The following VSIG4 variants were observed in gnomAD, a reference collection of about 807,000 sequenced individuals.
VSIG4 encodes V-set and immunoglobulin domain containing 4, also known as V-set and immunoglobulin domain-containing protein 4.
Under a neutral mutation model 23.4 loss-of-function variants are expected in VSIG4, and 34 were observed. The observed-to-expected ratio is 1.45, with a 90% CI of 1.10 to 1.93. The LOEUF (loss-of-function observed/expected upper bound fraction) is 1.93, where lower values mean the gene tolerates loss of function less well. Ranked by LOEUF, VSIG4 falls within the 30% of genes most tolerant of loss-of-function variation. The pLI, the probability that VSIG4 is intolerant of heterozygous loss-of-function variation, is 0.00. For missense variants in VSIG4, 433 were observed against 310.8 expected (o/e 1.39, Z -2.96); for synonymous variants, 169 against 120.3 (o/e 1.41, Z -2.65).
Position 66,022,259 on chromosome X carries a change from A to AT in VSIG4, c.*3dup. 1 of 1,212,165 alleles carries AT rather than the reference A, an allele frequency of 8.2e-7. No homozygotes were observed. The highest frequency in any genetic ancestry group is 1.1e-6 in the Non-Finnish European group (1 of 895,571). ...TCAGCAGATCCTGGCCTAATGGGGC[A>AT]TTTTTAACAGACACTTTTGCCCTCA... On this transcript the variant is annotated 3_prime_UTR_variant, in exon 8 of 8. Transcript: ENST00000374737.
At chrX:66,026,625 G>A (rs906536076) in intron 5 of VSIG4, among the ~76,000 whole-genome samples, 3 of 111,953 alleles carry the variant, frequency 2.7e-5, no homozygotes, top group African/African-American at 9.7e-5. Context: ...CTGCAATCAG[G>A]AATGGAGAGT....
At chrX:66,026,288 G>A (rs1395432999) in intron 5 of VSIG4, among the ~76,000 whole-genome samples, 1 of 111,827 alleles carries the variant, frequency 8.9e-6, no homozygotes, top group Non-Finnish European at 1.9e-5. Flanking sequence ...CAGTATTTGT[G>A]GTCCTCAGAG....
chrX:66,034,636 G>T (rs1381658797), intron 1 of VSIG4, among the ~76,000 whole-genome samples: 2 of 110,514 alleles, frequency 1.8e-5, no homozygotes, highest in East Asian at 5.7e-4. Context: ...AGGGGGAAAA[G>T]ATTGCATCCA....
intron 1 of VSIG4, among the ~76,000 whole-genome samples, chrX:66,037,513 A>T (rs1469207952): frequency 4.5e-5 from 3 of 67,304 alleles, no homozygotes; most frequent in Admixed American, 2.7e-4. Context: ...ATTATATAAT[A>T]ATAATATAAT....
chrX:66,022,031 A>G lies in VSIG4; in HGVS notation c.*232T>C. 1.7e-6 allele frequency: 2 copies of G among 1,150,579 alleles called. No homozygotes were observed. Among genetic ancestry groups the G allele is most frequent in the South Asian group, 3.9e-5 (2 of 51,838 alleles). 94.8% of individuals were successfully genotyped at this position (1,150,579 alleles called of 1,213,427 possible). A position where few individuals can be genotyped will look rare whatever the true frequency, so the allele number is the denominator to read the frequency against. On this transcript the variant is annotated 3_prime_UTR_variant, in exon 8 of 8. Transcript: ENST00000374737. ...CCTCTGGTATTTAGAGAGGAGTACC[A>G]GAAGCCCCCGGCAGAGATACTAGAA...
chrX:66,024,612 T>G (rs2085368494), intron 6 of VSIG4, among the ~76,000 whole-genome samples: 1 of 112,088 alleles, frequency 8.9e-6, no homozygotes, highest in South Asian at 3.7e-4. Context: ...TACTCTCTTC[T>G]CCTCTGGATC....
intron 4 of VSIG4, 65 bp downstream of exon 4, chrX:66,027,985 C>T (rs901017123): frequency 2.8e-6 from 3 of 1,054,771 alleles, no homozygotes; most frequent in Non-Finnish European, 2.7e-6. Flanking sequence ...ATTGTGATTC[C>T]TTTCTTGGCT....
intron 6 of VSIG4, 58 bp from the exon 7 acceptor site, chrX:66,022,920 T>A: frequency 8.7e-7 from 1 of 1,146,598 alleles, no homozygotes; most frequent in Non-Finnish European, 1.2e-6. Flanking sequence ...CAAAGGTCAA[T>A]CATGGATCCT....
chrX:66,036,705 TA>T (rs1248761346), intron 1 of VSIG4, among the ~76,000 whole-genome samples: 4 of 54,901 alleles, frequency 7.3e-5, no homozygotes, highest in Non-Finnish European at 1.2e-4. Context: ...TAATATATTA[TA>T]ATTATATAAT....
In VSIG4 at chrX:66,036,977, T is replaced by C. The variant is rs1189789451; in HGVS notation, c.55+2967A>G. 1.1e-3 allele frequency among the ~76,000 whole-genome samples: 36 copies of C among 31,442 alleles called. 1 individual carries two copies. Among genetic ancestry groups the C allele is most frequent in the African/African-American group, 9.4e-3 (36 of 3,835 alleles). The allele number at this position is 31,442 out of a possible 115,157, so 27.3% of individuals were successfully genotyped here. A position where few individuals can be genotyped will look rare whatever the true frequency, so the allele number is the denominator to read the frequency against. On this transcript the variant is annotated intron_variant, in intron 1 of 7. Coordinates refer to ENST00000374737, the MANE Select transcript of VSIG4 (RefSeq NM_007268.3). ...ATATTATATTATATAATATATAATA[T>C]AATATATCATATAATATAATATATC...
Position 66,022,238 on chromosome X carries a change from C to A in VSIG4, c.*25G>T, listed in dbSNP as rs371448320. 75 of 1,211,985 alleles carry A rather than the reference C, an allele frequency of 6.2e-5. No individual in the cohort carries two copies. The highest frequency in any genetic ancestry group is 8.2e-5 in the Non-Finnish European group (73 of 895,510). The stretch of plus-strand genomic sequence containing the variant: ...AGGACTGACTAGGCAATTATGTCAG[C>A]AGATCCTGGCCTAATGGGGCATTTT... On this transcript the variant is annotated 3_prime_UTR_variant, in exon 8 of 8. Transcript: ENST00000374737.
chrX:66,027,993 G>T, intron 4 of VSIG4, 57 bp downstream of exon 4: 1 of 1,086,931 alleles, frequency 9.2e-7, no homozygotes, highest in South Asian at 1.9e-5. Context: ...TCCTTTCTTG[G>T]CTACGATGAC....
In VSIG4 at chrX:66,032,723, T is replaced by C. The variant is rs1291767154; in HGVS notation, c.439A>G (p.Thr147Ala). ...KLSVSKPTVT[T>A]GSGYGFTVPQ... ...ACCGTGAAGCCATAACCGCTGCCAG[T>C]TGTCACTGTGGGCTTGGAGACAGAG... The change falls in exon 3 of 8, where the codon ACT becomes GCT. Residue 147 changes from threonine to alanine, a missense_variant. Coordinates refer to ENST00000374737, the MANE Select transcript of VSIG4 (RefSeq NM_007268.3). 7 of 1,211,264 alleles carry C rather than the reference T, an allele frequency of 5.8e-6. No individual in the cohort carries two copies. The highest frequency in any genetic ancestry group is 1.7e-5 in the African/African-American group (1 of 57,729).
intron 1 of VSIG4, among the ~76,000 whole-genome samples, chrX:66,037,043 TATATC>T (rs1157381951): frequency 0.025 from 961 of 38,621 alleles, 26 homozygotes; most frequent in Middle Eastern, 0.14. Context: ...TGTAATATAA[TATATC>T]ATATAATATA....
Position 66,032,700 on chromosome X carries a change from C to A in VSIG4, c.462G>T (p.Thr154=). ...TVTTGSGYGF[T]VPQGMRISLQ... ...GGCTAATCCTCATTCCCTGGGGCAC[C>A]GTGAAGCCATAACCGCTGCCAGTTG... Residue 154 remains threonine, a synonymous_variant, in exon 3 of 8, where the codon ACG becomes ACT. Coordinates refer to ENST00000374737, the MANE Select transcript of VSIG4 (RefSeq NM_007268.3). The A allele has an allele frequency of 8.3e-7, 1 of 1,211,307 alleles. No homozygotes were observed. Among genetic ancestry groups the A allele is most frequent in the Non-Finnish European group, 1.1e-6 (1 of 895,335 alleles).
At chrX:66,026,737 C>G (rs1179526131) in intron 5 of VSIG4, among the ~76,000 whole-genome samples, 1 of 111,756 alleles carries the variant, frequency 8.9e-6, no homozygotes, top group African/African-American at 3.3e-5. Flanking sequence ...CCAGTCACAA[C>G]AGATGCCTAC....
At chrX:66,038,878 T>A (rs1053019708) in intron 1 of VSIG4, among the ~76,000 whole-genome samples, 1 of 111,138 alleles carries the variant, frequency 9.0e-6, no homozygotes, top group African/African-American at 3.3e-5. Context: ...ACCTAACAAG[T>A]GACACCAAGC....
intron 6 of VSIG4, among the ~76,000 whole-genome samples, chrX:66,024,532 T>C (rs1025215376): frequency 8.9e-6 from 1 of 111,997 alleles, no homozygotes; most frequent in Non-Finnish European, 1.9e-5. Context: ...CAACTTGTTT[T>C]CATCCTCCAA....
intron 1 of VSIG4, among the ~76,000 whole-genome samples, chrX:66,037,662 ATTAC>A (rs1415855728): frequency 1.2e-5 from 1 of 86,828 alleles, no homozygotes; most frequent in Non-Finnish European, 2.1e-5. Context: ...ATTACTGATA[ATTAC>A]TTATATATAA....
Sources: allele counts gnomAD v4.1 joint callset (sites outside exome capture counted in the v4.1 genomes callset), GRCh38; gene constraint gnomAD v4.1.1; transcripts MANE v1.5; gene names NCBI Gene and HGNC (gene_info 2026-07-23, HGNC 2026-07-21).